DNM3: variants seen among roughly 807,000 people sequenced by gnomAD.
DNM3 encodes the protein dynamin 3.
DNM3 carries 47 observed loss-of-function variants against 101.6 expected under a neutral mutation model. The ratio of observed to expected loss-of-function variants is 0.46; its 90% CI spans 0.37 to 0.59. The LOEUF (loss-of-function observed/expected upper bound fraction) is 0.59. Among genes scored for constraint, DNM3 ranks in the 20% least tolerant of loss-of-function variants. DNM3 has a pLI of 0.00. For synonymous variants in DNM3, 385 were observed against 387.9 expected (o/e 0.99, Z 0.09); for missense variants, 849 against 1,085.7 (o/e 0.78, Z 3.06).
intron 2 of DNM3, among the ~76,000 whole-genome samples, chr1:171,940,781 T>G (rs2041760080): frequency 6.6e-6 from 1 of 152,090 alleles, no homozygotes; most frequent in Non-Finnish European, 1.5e-5. Flanking sequence ...TATACCTGAC[T>G]TTTCATCATT....
At chr1:171,891,307 A>C (rs1388718152) in intron 1 of DNM3, among the ~76,000 whole-genome samples, 1 of 151,804 alleles carries the variant, frequency 6.6e-6, no homozygotes, top group Non-Finnish European at 1.5e-5. Context: ...TTCTTTAAGA[A>C]GAGTTTTAGA....
At chr1:171,896,906 T>A (rs2037858825) in intron 1 of DNM3, among the ~76,000 whole-genome samples, 1 of 151,972 alleles carries the variant, frequency 6.6e-6, no homozygotes, top group African/African-American at 2.4e-5. Context: ...GTGGGGAAAT[T>A]TTGCTTTCTA....
At chr1:171,877,607 C>G (rs1286218046) in intron 1 of DNM3, among the ~76,000 whole-genome samples, 1 of 152,028 alleles carries the variant, frequency 6.6e-6, no homozygotes, top group Non-Finnish European at 1.5e-5. Flanking sequence ...CAAAAAGTGC[C>G]AAAGAACATA....
chr1:172,008,719 G>C (rs994696244), intron 4 of DNM3, among the ~76,000 whole-genome samples: 3 of 146,858 alleles, frequency 2.0e-5, no homozygotes, highest in Non-Finnish European at 4.5e-5. Context: ...GGCATCTTTT[G>C]TCTGAAACCA....
intron 14 of DNM3, among the ~76,000 whole-genome samples, chr1:172,178,667 GAGAA>G (rs2059239535): frequency 6.6e-6 from 1 of 151,812 alleles, no homozygotes; most frequent in South Asian, 2.1e-4. Flanking sequence ...AAAACAGAGA[GAGAA>G]AGAGAGACAG....
chr1:172,319,830 C>T (rs2148904487), intron 16 of DNM3, among the ~76,000 whole-genome samples: 1 of 152,198 alleles, frequency 6.6e-6, no homozygotes, highest in South Asian at 2.1e-4. Context: ...GTGGTGATTC[C>T]TCAGGGATCT....
intron 1 of DNM3, among the ~76,000 whole-genome samples, chr1:171,898,184 G>T (rs2037981721): frequency 6.6e-6 from 1 of 151,964 alleles, no homozygotes; most frequent in Non-Finnish European, 1.5e-5. Context: ...TGCCCTAATT[G>T]GCCAGTGGTA....
chr1:172,214,667 T>C (rs73043083), intron 14 of DNM3, among the ~76,000 whole-genome samples: 1,570 of 152,208 alleles, frequency 0.01, 23 homozygotes, highest in African/African-American at 0.035. Context: ...ATCCTGCAGC[T>C]ATAAAAATGA....
intron 1 of DNM3, among the ~76,000 whole-genome samples, chr1:171,859,459 T>G (rs1177469523): frequency 6.6e-6 from 1 of 152,216 alleles, no homozygotes; most frequent in African/African-American, 2.4e-5. Flanking sequence ...TTATCTTCAC[T>G]TCTAGCATAT....
At chr1:171,858,988 A>T (rs1190037294) in intron 1 of DNM3, among the ~76,000 whole-genome samples, 1 of 152,186 alleles carries the variant, frequency 6.6e-6, no homozygotes, top group Non-Finnish European at 1.5e-5. Context: ...ACTTTCACAC[A>T]GCCATAGCAT....
intron 2 of DNM3, among the ~76,000 whole-genome samples, chr1:171,944,310 A>G (rs2042004984): frequency 6.6e-6 from 1 of 152,024 alleles, no homozygotes; most frequent in South Asian, 2.1e-4. Flanking sequence ...TTTAGCTCAG[A>G]GGCCATATTT....
intron 4 of DNM3, among the ~76,000 whole-genome samples, chr1:172,031,052 G>C (rs750743061): frequency 2.6e-5 from 4 of 152,114 alleles, no homozygotes; most frequent in Non-Finnish European, 5.9e-5. Flanking sequence ...CCATTACTGG[G>C]TATATACCCA....
At chr1:172,155,250 GTA>G (rs2058292530) in intron 14 of DNM3, among the ~76,000 whole-genome samples, 2 of 150,756 alleles carry the variant, frequency 1.3e-5, no homozygotes, top group Non-Finnish European at 3.0e-5. Context: ...ATGTTTAGGA[GTA>G]ATAAACATGC....
chr1:172,309,952 T>C (rs1169288500), intron 16 of DNM3: 3 of 152,198 alleles, frequency 2.0e-5, no homozygotes, highest in African/African-American at 4.8e-5. Flanking sequence ...TGTCATCCTA[T>C]ACCTGTCTGA....
At chr1:172,028,313 G>C (rs2048356627) in intron 4 of DNM3, among the ~76,000 whole-genome samples, 1 of 152,184 alleles carries the variant, frequency 6.6e-6, no homozygotes, top group African/African-American at 2.4e-5. Context: ...GCTCCTGAAT[G>C]ACTACTGGGT....
chr1:171,854,560 A>G (rs1253426998), intron 1 of DNM3, among the ~76,000 whole-genome samples: 2 of 151,942 alleles, frequency 1.3e-5, no homozygotes, highest in Non-Finnish European at 2.9e-5. Flanking sequence ...GCGGGATCTC[A>G]GCTCAATCTA....
intron 4 of DNM3, among the ~76,000 whole-genome samples, chr1:172,026,223 C>A (rs2125773294): frequency 6.6e-6 from 1 of 151,998 alleles, no homozygotes; most frequent in Middle Eastern, 3.4e-3. Flanking sequence ...TGAAGATCAT[C>A]TTAATGAAAT....
At chr1:171,923,158 C>T (rs2040311419) in intron 2 of DNM3, among the ~76,000 whole-genome samples, 1 of 152,178 alleles carries the variant, frequency 6.6e-6, no homozygotes, top group South Asian at 2.1e-4. Context: ...TTTTACATTC[C>T]TACCGGCAGT....
chr1:172,253,129 C>T (rs1484413203), intron 14 of DNM3, among the ~76,000 whole-genome samples: 1 of 152,108 alleles, frequency 6.6e-6, no homozygotes, highest in Non-Finnish European at 1.5e-5. Context: ...ATCCATCTGG[C>T]ATTTCTCATT....
Sources: allele counts gnomAD v4.1 joint callset (sites outside exome capture counted in the v4.1 genomes callset), GRCh38; gene constraint gnomAD v4.1.1; transcripts MANE v1.5; gene names NCBI Gene and HGNC (gene_info 2026-07-23, HGNC 2026-07-21).